Variants in MAX observed in about 807,000 individuals in gnomAD.
The protein encoded by MAX is MYC associated transcriptional regulator X.
In MAX, 3 loss-of-function variants were observed where a neutral mutation model predicts 22.3. The ratio of observed to expected loss-of-function variants is 0.13; its 90% CI spans 0.06 to 0.35. The LOEUF (loss-of-function observed/expected upper bound fraction) is 0.35, where lower values mean the gene tolerates loss of function less well. MAX is among the 10% of genes least tolerant of loss of function. The probability of loss-of-function intolerance (pLI) is 1.00; values close to 1 mark genes in which losing one functional copy is unlikely to be tolerated. For synonymous variants in MAX, 72 were observed against 77.7 expected (o/e 0.93, Z 0.39); for missense variants, 119 against 209.4 (o/e 0.57, Z 2.66).
rs2061609203 is a variant in MAX at position 65,007,234 on chromosome 14, C to T, written c.172-950G>A. On this transcript the variant is annotated intron_variant, in intron 3 of 3. Transcript: ENST00000341653. This position sits in a 1 kb window ranked among gnomAD's most constrained non-coding sequence, Gnocchi z 4.9. ...TTATCAGAATTTTAAATCATTATCA[C>T]AGTCTCAATATTTAACATATTAATA... Among the ~76,000 whole-genome samples, 1 of 152,202 alleles carries T rather than the reference C, an allele frequency of 6.6e-6. No homozygotes were observed.
Position 65,011,810 on chromosome 14 carries a change from G to C in MAX, c.172-5526C>G, listed in dbSNP as rs1365778249. 6.6e-6 allele frequency among the ~76,000 whole-genome samples: 1 copy of C among 152,210 alleles called. No homozygotes were observed. Among genetic ancestry groups the C allele is most frequent in the African/African-American group, 2.4e-5 (1 of 41,444 alleles). On this transcript the variant is annotated intron_variant, in intron 3 of 3. Coordinates refer to the MAX transcript ENST00000341653. This position sits in a 1 kb window ranked among gnomAD's most constrained non-coding sequence, Gnocchi z 4.0. ...TCACACGTGGGAGGTGGAATTTCAGGGAGAGAATAATAGTTGGATAACCGA... is the reference window on the plus strand; with the variant it reads ...TCACACGTGGGAGGTGGAATTTCAGCGAGAGAATAATAGTTGGATAACCGA...
intron 3 of MAX, among the ~76,000 whole-genome samples, chr14:65,017,977 C>T (rs1280789974): frequency 1.3e-5 from 2 of 151,920 alleles, no homozygotes; most frequent in Non-Finnish European, 2.9e-5. Context: ...AAATAAAATA[C>T]ATAAATTTAA....
At chr14:65,043,679 G>A (rs2062402664) in intron 3 of MAX, among the ~76,000 whole-genome samples, 2 of 151,160 alleles carry the variant, frequency 1.3e-5, no homozygotes, top group South Asian at 2.1e-4. Flanking sequence ...AAAATTAGCC[G>A]GGCGCGGTGG....
intron 3 of MAX, chr14:65,022,266 G>A (rs1190217806): frequency 3.2e-6 from 1 of 317,280 alleles, no homozygotes; most frequent in South Asian, 2.5e-5. Flanking sequence ...TATTTCCAAA[G>A]CTGTAATCTT....
At chr14:65,045,828 A>T (rs982927869) in intron 3 of MAX, among the ~76,000 whole-genome samples, 4 of 152,186 alleles carry the variant, frequency 2.6e-5, no homozygotes, top group Non-Finnish European at 5.9e-5. Flanking sequence ...GCCTGGGCCC[A>T]CTGGGCTTTA....
chr14:65,064,265 T>C (rs543426562), intron 3 of MAX, among the ~76,000 whole-genome samples: 3 of 152,340 alleles, frequency 2.0e-5, no homozygotes, highest in African/African-American at 7.2e-5. Flanking sequence ...CCACATGCAC[T>C]GCTTGGTGGC....
chr14:65,076,671 G>A lies in MAX; in HGVS notation c.296-8C>T. The A allele has an allele frequency of 6.2e-7, 1 of 1,614,156 alleles. No individual in the cohort carries two copies. The highest frequency in any genetic ancestry group is 8.5e-7 in the Non-Finnish European group (1 of 1,180,012). On this transcript the variant is annotated splice_polypyrimidine_tract_variant and splice_region_variant and intron_variant, in intron 4 of 4. Coordinates refer to ENST00000358664, the MANE Select transcript of MAX (RefSeq NM_002382.5). This position sits in a 1 kb window ranked among gnomAD's most constrained non-coding sequence, Gnocchi z 6.6. ...CCTTCTCCAGTGCACGGACTAAAAG[G>A]CAACCAAGGGAGTGTGTTACTGCCT...
rs1595127360 is a variant in MAX, at chr14:65,076,632, G to A, written c.327C>T (p.Ala109=). The change falls in exon 5 of 5, where the codon GCC becomes GCT. Residue 109 remains alanine (A), a synonymous_variant. Coordinates refer to ENST00000358664, the MANE Select transcript of MAX (RefSeq NM_002382.5). The surrounding 1 kb of genome is among the most constrained non-coding windows in gnomAD (Gnocchi z 6.6). ...VRALEKARSS[A]QLQTNYPSSD... ...AGGAGGGGTAGTTGGTCTGCAGTTGGGCACTTGACCTCGCCTTCTCCAGTG... is the reference window on the plus strand; with the variant it reads ...AGGAGGGGTAGTTGGTCTGCAGTTGAGCACTTGACCTCGCCTTCTCCAGTG... The A allele has an allele frequency of 6.2e-7, 1 of 1,614,124 alleles. No homozygotes were observed. Among genetic ancestry groups the A allele is most frequent in the Non-Finnish European group, 8.5e-7 (1 of 1,180,034 alleles).
At position 65,031,696 on chromosome 14, in the gene MAX, G is replaced by T. The variant is rs190006957; in HGVS notation, c.172-25412C>A. ...AGCACTTTGGGAGGCCAAGGCAGGT[G>T]GATTGCTTGAGGTCAGGAGTTTGAA... is the stretch of plus-strand genomic sequence containing the variant. On this transcript the variant is annotated intron_variant, in intron 3 of 3. Transcript: ENST00000341653. The surrounding 1 kb of genome is among the most constrained non-coding windows in gnomAD (Gnocchi z 4.6). Among the ~76,000 whole-genome samples the T allele has an allele frequency of 0.09, 13,643 of 152,086 alleles. 847 individuals carry two copies. The highest frequency in any genetic ancestry group is 0.16 in the Admixed American group (2,481 of 15,284).
At position 65,076,772 on chromosome 14, in the gene MAX, C is replaced by T; in HGVS notation, c.296-109G>A. 3.0e-6 allele frequency: 4 copies of T among 1,343,146 alleles called. No individual in the cohort carries two copies. Among genetic ancestry groups the T allele is most frequent in the East Asian group, 2.3e-5 (1 of 43,248 alleles). 83.2% of individuals were successfully genotyped at this position (1,343,146 alleles called of 1,614,324 possible). ...CTTCCTAAGGGCTTGCTTGTTGGCC[C>T]CCGAGGCTCAAGATGCTCAGAAGTA... On this transcript the variant is annotated intron_variant, in intron 4 of 4. Coordinates refer to ENST00000358664, the MANE Select transcript of MAX (RefSeq NM_002382.5). The surrounding 1 kb of genome is among the most constrained non-coding windows in gnomAD (Gnocchi z 6.6).
In MAX at chr14:65,062,484, G is replaced by C. The variant is rs1393864723; in HGVS notation, c.171+31224C>G. 6.5e-6 allele frequency: 1 copy of C among 152,696 alleles called. No individual in the cohort carries two copies. Among genetic ancestry groups the C allele is most frequent in the Non-Finnish European group, 1.5e-5 (1 of 68,064 alleles). The allele number at this position is 152,696 out of a possible 1,614,324, so 9.5% of individuals were successfully genotyped here. On this transcript the variant is annotated intron_variant, in intron 3 of 3. Coordinates refer to the MAX transcript ENST00000341653. The surrounding 1 kb of genome is among the most constrained non-coding windows in gnomAD (Gnocchi z 4.3). ...TATCAAGTTGGGCCATCTGTCTACT[G>C]ACCTGGCCTTCATGTAAGCAGCTGT...
At chr14:65,024,937 G>T (rs1474721351) in intron 3 of MAX, among the ~76,000 whole-genome samples, 2 of 151,676 alleles carry the variant, frequency 1.3e-5, no homozygotes, top group African/African-American at 2.4e-5. Context: ...TTGTTTGTTT[G>T]TTTTTTTTAA....
At chr14:65,022,144 A>G (rs2061900005) in intron 3 of MAX, 1 of 449,140 alleles carries the variant, frequency 2.2e-6, no homozygotes, top group Non-Finnish European at 4.5e-6. Context: ...TCTTCACTAT[A>G]TCAAGCTGAA....
chr14:65,043,824 G>A (rs1402047631), intron 3 of MAX, among the ~76,000 whole-genome samples: 2 of 73,772 alleles, frequency 2.7e-5, no homozygotes, highest in Admixed American at 2.0e-4. Flanking sequence ...GCGAGACTCC[G>A]TCTCAAAAAA....
At chr14:65,055,970 T>A (rs1424196846) in intron 3 of MAX, among the ~76,000 whole-genome samples, 1 of 152,212 alleles carries the variant, frequency 6.6e-6, no homozygotes, top group East Asian at 1.9e-4. Context: ...TTGCCTCTTA[T>A]GTAGCCCTCT....
chr14:65,065,654 C>T (rs2062924622), intron 3 of MAX, among the ~76,000 whole-genome samples: 1 of 152,172 alleles, frequency 6.6e-6, no homozygotes, highest in South Asian at 2.1e-4. Context: ...CTCACGGGAC[C>T]ACTGTCGTAC....
rs533362270 is a variant in MAX at position 65,093,617 on chromosome 14, T to C, written c.171+91A>G. On this transcript the variant is annotated intron_variant, in intron 3 of 4. Transcript: ENST00000358664. This position sits in a 1 kb window ranked among gnomAD's most constrained non-coding sequence, Gnocchi z 4.4. Reference sequence around the variant, plus strand: ...TGCTACCTGAATATCTCTGACTACATTTCCTTCCCAATAGGTGAGTGCTCT... The same window carrying C: ...TGCTACCTGAATATCTCTGACTACACTTCCTTCCCAATAGGTGAGTGCTCT... 248 of 783,076 alleles carry C rather than the reference T, an allele frequency of 3.2e-4. 2 individuals carry two copies. Among genetic ancestry groups the C allele is most frequent in the African/African-American group, 3.1e-3 (187 of 59,380 alleles). The allele number at this position is 783,076 out of a possible 1,614,324, so 48.5% of individuals were successfully genotyped here.
At chr14:65,095,351 G>GT (rs2063631996) in intron 2 of MAX, among the ~76,000 whole-genome samples, 1 of 152,198 alleles carries the variant, frequency 6.6e-6, no homozygotes, top group Non-Finnish European at 1.5e-5. Flanking sequence ...TAAAATGAAT[G>GT]TTTACTGAAC....
In MAX at chr14:65,054,567, C is replaced by G. The variant is rs760773195; in HGVS notation, c.171+39141G>C. ...GGAGCGCCTGCTCAGAGCTGCCTGT[C>G]CTTACAGGTCGCGTGATTTCTACCA... On this transcript the variant is annotated intron_variant, in intron 3 of 3. Coordinates refer to the MAX transcript ENST00000341653. The surrounding 1 kb of genome is among the most constrained non-coding windows in gnomAD (Gnocchi z 4.4). 1 of 1,611,474 alleles carries G rather than the reference C, an allele frequency of 6.2e-7. No individual in the cohort carries two copies.
Sources: gnomAD v4.1 joint callset for allele counts (sites outside exome capture counted in the v4.1 genomes callset) on GRCh38, gnomAD v4.1.1 for gene constraint, Gnocchi (gnomAD v3.1) non-coding constraint, MANE v1.5 for transcripts, NCBI Gene and HGNC (gene_info 2026-07-23, HGNC 2026-07-21) for gene names.